Variants in ABCA13 observed in about 807,000 individuals in gnomAD.
The protein encoded by ABCA13 is ATP binding cassette subfamily A member 13.
ABCA13 carries 476 observed loss-of-function variants against 478.7 expected under a neutral mutation model. The ratio of observed to expected loss-of-function variants is 0.99; its 90% CI spans 0.92 to 1.07. ABCA13 has a LOEUF of 1.07. Ranked by LOEUF, ABCA13 falls within the 50% of genes least tolerant of loss-of-function variation. ABCA13 has a pLI of 0.00. For missense variants in ABCA13, 6,060 were observed against 5,910.6 expected, an observed-to-expected ratio of 1.03 and a Z score of -0.83; for synonymous variants, 2,252 against 2,158.9, an observed-to-expected ratio of 1.04 and a Z score of -1.20.
chr7:48,280,113 G>A (rs1252420553), intron 18 of ABCA13, among the ~76,000 whole-genome samples, 193 bp downstream of exon 18: 1 of 152,106 alleles, frequency 6.6e-6, no homozygotes, highest in Admixed American at 6.5e-5. Flanking sequence ...TCATTATTTG[G>A]CATTCAAATA....
intron 55 of ABCA13, among the ~76,000 whole-genome samples, chr7:48,546,452 G>A (rs1420642468): frequency 2.0e-5 from 3 of 146,976 alleles, no homozygotes; most frequent in South Asian, 2.1e-4. Context: ...TATAGACACA[G>A]AATTATAGGT....
intron 58 of ABCA13, among the ~76,000 whole-genome samples, chr7:48,612,833 G>C (rs1330290815): frequency 6.6e-6 from 1 of 151,438 alleles, no homozygotes; most frequent in African/African-American, 2.4e-5. Context: ...GACATATTGA[G>C]AATTACTGAG....
chr7:48,519,314 T>C (rs1034713352), intron 52 of ABCA13, among the ~76,000 whole-genome samples: 3 of 152,224 alleles, frequency 2.0e-5, no homozygotes, highest in African/African-American at 7.2e-5. Context: ...TTTGGGTTTA[T>C]ACCCAGTAAT....
chr7:48,614,196 G>A (rs1792314921), intron 58 of ABCA13, among the ~76,000 whole-genome samples: 1 of 149,038 alleles, frequency 6.7e-6, no homozygotes, highest in Non-Finnish European at 1.5e-5. Flanking sequence ...TATTTCATTT[G>A]TGCCTATTAG....
At chr7:48,588,091 T>C (rs1789369422) in intron 57 of ABCA13, among the ~76,000 whole-genome samples, 1 of 152,158 alleles carries the variant, frequency 6.6e-6, no homozygotes, top group African/African-American at 2.4e-5. Context: ...TACACCCTTT[T>C]AGTGGGGTAG....
At chr7:48,372,054 G>C in intron 32 of ABCA13, 114 bp from the exon 33 acceptor site, 1 of 1,081,764 alleles carries the variant, frequency 9.2e-7, no homozygotes. Context: ...GGCTGAATTT[G>C]CAAGCAAGCA....
intron 35 of ABCA13, among the ~76,000 whole-genome samples, chr7:48,386,109 C>G (rs1373615570): frequency 6.6e-6 from 1 of 152,078 alleles, no homozygotes; most frequent in Non-Finnish European, 1.5e-5. Flanking sequence ...CAGTCAAGCC[C>G]AGAGTTAAAT....
chr7:48,368,057 G>T, intron 32 of ABCA13, 149 bp downstream of exon 32: 1 of 534,854 alleles, frequency 1.9e-6, no homozygotes, highest in Non-Finnish European at 3.3e-6. Context: ...CTGAGTCCCT[G>T]TTCCAGAAAG....
chr7:48,570,513 C>T (rs1212522859), intron 55 of ABCA13, among the ~76,000 whole-genome samples: 3 of 151,538 alleles, frequency 2.0e-5, no homozygotes, highest in Non-Finnish European at 2.9e-5. Context: ...TTAGTAGAGA[C>T]GGGGTTTCAC....
chr7:48,399,913 T>C (rs1041033006), intron 38 of ABCA13, among the ~76,000 whole-genome samples: 2 of 152,214 alleles, frequency 1.3e-5, no homozygotes, highest in Non-Finnish European at 1.5e-5. Flanking sequence ...GGGTATGTGT[T>C]CTGGCTCAAG....
chr7:48,352,930 C>A (rs1373394569), intron 31 of ABCA13, among the ~76,000 whole-genome samples: 1 of 151,802 alleles, frequency 6.6e-6, no homozygotes, highest in African/African-American at 2.4e-5. Context: ...GCTTGGGTAC[C>A]CATGAAGTAA....
At chr7:48,547,208 T>C (rs1026686098) in intron 55 of ABCA13, among the ~76,000 whole-genome samples, 1 of 151,880 alleles carries the variant, frequency 6.6e-6, no homozygotes, top group Admixed American at 6.6e-5. Flanking sequence ...ATTTACATCA[T>C]CATATCAAAA....
chr7:48,372,665 A>G (rs1812840115), intron 33 of ABCA13, among the ~76,000 whole-genome samples, 168 bp downstream of exon 33: 1 of 152,200 alleles, frequency 6.6e-6, no homozygotes, highest in South Asian at 2.1e-4. Context: ...AAACCGTTGA[A>G]ACTGCAGGGT....
chr7:48,585,651 T>G (rs150653471), intron 56 of ABCA13, among the ~76,000 whole-genome samples: 16 of 152,290 alleles, frequency 1.1e-4, no homozygotes, highest in African/African-American at 3.8e-4. Context: ...TCAAAAAGAG[T>G]ATACACATTA....
chr7:48,225,506 G>T (rs1294732890), intron 5 of ABCA13, among the ~76,000 whole-genome samples: 1 of 152,042 alleles, frequency 6.6e-6, no homozygotes, highest in African/African-American at 2.4e-5. Context: ...TTCCAGATTT[G>T]CCAATTGTTC....
intron 10 of ABCA13, among the ~76,000 whole-genome samples, chr7:48,244,079 G>T (rs922589839): frequency 2.6e-5 from 4 of 152,096 alleles, no homozygotes; most frequent in Non-Finnish European, 5.9e-5. Flanking sequence ...GACATTCTAG[G>T]GACTATTTGT....
intron 59 of ABCA13, chr7:48,626,802 G>A: frequency 1.0e-6 from 1 of 985,482 alleles, no homozygotes; most frequent in East Asian, 1.1e-4. Context: ...GGGCTGTGAG[G>A]GTGAGGAGGA....
chr7:48,414,599 T>A (rs1160170013), intron 41 of ABCA13, among the ~76,000 whole-genome samples: 2 of 150,130 alleles, frequency 1.3e-5, no homozygotes, highest in African/African-American at 4.9e-5. Flanking sequence ...TATACATACA[T>A]ATACATATAT....
At chr7:48,287,927 A>G (rs201612578) in intron 19 of ABCA13, 33 bp from the exon 20 acceptor site, 4 of 1,553,532 alleles carry the variant, frequency 2.6e-6, no homozygotes, top group East Asian at 2.2e-5. Context: ...AGGACTGTCT[A>G]TTAATTATTT....
Sources: allele counts gnomAD v4.1 joint callset (sites outside exome capture counted in the v4.1 genomes callset), GRCh38; gene constraint gnomAD v4.1.1; transcripts MANE v1.5; gene names NCBI Gene and HGNC (gene_info 2026-07-23, HGNC 2026-07-21).